CACNA2D3: variants seen among roughly 807,000 people sequenced by gnomAD.
The protein encoded by CACNA2D3 is voltage-dependent calcium channel subunit alpha-2/delta-3.
Under a neutral mutation model 160.6 loss-of-function variants are expected in CACNA2D3, and 60 were observed. That is an observed-to-expected ratio of 0.37 (90% CI 0.30 to 0.46). The LOEUF (loss-of-function observed/expected upper bound fraction) is 0.46, where lower values mean the gene tolerates loss of function less well. Among genes scored for constraint, CACNA2D3 ranks in the 20% least tolerant of loss-of-function variants. The pLI is 1.00. For missense variants in CACNA2D3, 1,205 were observed against 1,365.0 expected, an observed-to-expected ratio of 0.88 and a Z score of 1.85; for synonymous variants, 558 against 492.9, an observed-to-expected ratio of 1.13 and a Z score of -1.75.
At chr3:54,780,584 G>A (rs1262388426) in intron 13 of CACNA2D3, among the ~76,000 whole-genome samples, 3 of 152,132 alleles carry the variant, frequency 2.0e-5, no homozygotes, top group African/African-American at 7.2e-5. Flanking sequence ...AAAACATGCA[G>A]GTCCATGAAG....
At chr3:54,816,557 A>T (rs1703461556) in intron 13 of CACNA2D3, among the ~76,000 whole-genome samples, 1 of 152,224 alleles carries the variant, frequency 6.6e-6, no homozygotes, top group Admixed American at 6.5e-5. Flanking sequence ...CACTGGGCAG[A>T]AGAGCCTCGG....
intron 17 of CACNA2D3, among the ~76,000 whole-genome samples, chr3:54,848,908 C>T (rs1698993250): frequency 6.6e-6 from 1 of 152,164 alleles, no homozygotes; most frequent in Non-Finnish European, 1.5e-5. Flanking sequence ...GAAAAGCAGG[C>T]CCCAGAATAT....
intron 8 of CACNA2D3, among the ~76,000 whole-genome samples, chr3:54,576,303 C>T (rs1357986250): frequency 6.6e-6 from 1 of 152,156 alleles, no homozygotes; most frequent in African/African-American, 2.4e-5. Context: ...CTGTGATTCA[C>T]CTGAGCCTGT....
At chr3:54,351,623 C>T (rs530259727) in intron 3 of CACNA2D3, among the ~76,000 whole-genome samples, 1 of 152,296 alleles carries the variant, frequency 6.6e-6, no homozygotes, top group South Asian at 2.1e-4. Context: ...TCCCTTTCTA[C>T]AAGCCAGTTG....
intron 10 of CACNA2D3, among the ~76,000 whole-genome samples, chr3:54,628,740 G>C (rs1472494904): frequency 6.6e-6 from 1 of 152,170 alleles, no homozygotes; most frequent in East Asian, 1.9e-4. Context: ...GAAAAGCTGA[G>C]AAACCAGAGA....
At chr3:54,403,959 G>A (rs1358662000) in intron 4 of CACNA2D3, among the ~76,000 whole-genome samples, 2 of 152,092 alleles carry the variant, frequency 1.3e-5, no homozygotes, top group Admixed American at 6.6e-5. Context: ...TGCAAAGCCC[G>A]CATAGAGCAA....
chr3:54,636,190 G>C (rs1356941385), intron 10 of CACNA2D3, among the ~76,000 whole-genome samples: 2 of 151,984 alleles, frequency 1.3e-5, no homozygotes, highest in African/African-American at 2.4e-5. Flanking sequence ...CTATAGCATA[G>C]CCTGCCTTTG....
intron 2 of CACNA2D3, among the ~76,000 whole-genome samples, chr3:54,248,065 C>T (rs1299606682): frequency 6.6e-6 from 1 of 152,164 alleles, no homozygotes; most frequent in Non-Finnish European, 1.5e-5. Context: ...CTGTTATGGA[C>T]TCAGTTGTGT....
At chr3:54,609,272 A>G (rs1698698061) in intron 9 of CACNA2D3, among the ~76,000 whole-genome samples, 1 of 152,200 alleles carries the variant, frequency 6.6e-6, no homozygotes, top group African/African-American at 2.4e-5. Context: ...GAGAAGCCAA[A>G]ACTGCCGACA....
chr3:54,675,068 A>G (rs1215678318), intron 11 of CACNA2D3, among the ~76,000 whole-genome samples: 1 of 152,160 alleles, frequency 6.6e-6, no homozygotes, highest in Non-Finnish European at 1.5e-5. Context: ...CTAGCCTGAC[A>G]AAAAGCGCAC....
intron 4 of CACNA2D3, among the ~76,000 whole-genome samples, chr3:54,456,564 C>CT (rs1700400393): frequency 6.6e-6 from 1 of 151,668 alleles, no homozygotes; most frequent in Admixed American, 6.6e-5. Flanking sequence ...CTATAGTTTT[C>CT]TTTTTTTGGT....
At chr3:54,871,221 A>ACC (rs113544503) in intron 17 of CACNA2D3, among the ~76,000 whole-genome samples, 1 of 140,810 alleles carries the variant, frequency 7.1e-6, no homozygotes, top group South Asian at 2.2e-4. Flanking sequence ...ACACACACAC[A>ACC]CACCCCCCAT....
chr3:54,400,379 A>G (rs1699432867), intron 4 of CACNA2D3, among the ~76,000 whole-genome samples: 1 of 151,754 alleles, frequency 6.6e-6, no homozygotes, highest in Non-Finnish European at 1.5e-5. Flanking sequence ...TGAAACCCTG[A>G]GCCCACGACT....
intron 27 of CACNA2D3, chr3:54,918,677 TG>T: frequency 6.2e-7 from 1 of 1,614,212 alleles, no homozygotes; most frequent in East Asian, 2.2e-5. Flanking sequence ...GGCTTGGGTT[TG>T]AGCTCGCACT....
chr3:54,638,824 T>A (rs1340910708), intron 10 of CACNA2D3: 4 of 151,996 alleles, frequency 2.6e-5, no homozygotes, highest in African/African-American at 9.7e-5. Context: ...GTTGAGTTTG[T>A]ATTGGGGTCA....
At chr3:55,039,278 T>C (rs1703907439) in intron 35 of CACNA2D3, among the ~76,000 whole-genome samples, 1 of 152,088 alleles carries the variant, frequency 6.6e-6, no homozygotes, top group Non-Finnish European at 1.5e-5. Context: ...CACTATGCTA[T>C]TCTCTTATCC....
Position 54,422,495 on chromosome 3 carries a change from C to A in CACNA2D3, c.381+35721C>A, listed in dbSNP as rs75989261. Among the ~76,000 whole-genome samples the A allele has an allele frequency of 5.5e-3, 843 of 152,260 alleles. 5 individuals carry two copies. Among genetic ancestry groups the A allele is most frequent in the African/African-American group, 0.019 (781 of 41,538 alleles). ...CAACAATATCAAAATAAAAACTCAT[C>A]AGTATCAATCTGCTGCAAAGAAACA... On this transcript the variant is annotated intron_variant, in intron 4 of 37. Transcript: ENST00000474759.
At chr3:54,844,000 G>C (rs188286341) in intron 16 of CACNA2D3, among the ~76,000 whole-genome samples, 28 of 152,252 alleles carry the variant, frequency 1.8e-4, no homozygotes, top group Admixed American at 4.6e-4. Context: ...CCACTGAAGG[G>C]GGAGACTGAG....
intron 13 of CACNA2D3, among the ~76,000 whole-genome samples, chr3:54,784,290 G>GCGGCT (rs988452076): frequency 4.5e-4 from 69 of 152,322 alleles, no homozygotes; most frequent in African/African-American, 1.7e-3. Context: ...GCAGTGATCT[G>GCGGCT]CGGCTCGTGC....
Sources: allele counts gnomAD v4.1 joint callset (sites outside exome capture counted in the v4.1 genomes callset), GRCh38; gene constraint gnomAD v4.1.1; transcripts MANE v1.5; gene names NCBI Gene and HGNC (gene_info 2026-07-23, HGNC 2026-07-21).